Variants in CCDC171 observed in about 807,000 individuals in gnomAD.
The protein encoded by CCDC171 is coiled-coil domain-containing protein 171.
CCDC171 carries 177 observed loss-of-function variants against 168.2 expected under a neutral mutation model. The observed-to-expected ratio is 1.05, with a 90% confidence interval of 0.93 to 1.19. The LOEUF (loss-of-function observed/expected upper bound fraction) is 1.19, where lower values mean the gene tolerates loss of function less well. CCDC171 is among the 50% of genes most tolerant of loss of function. The pLI is 0.00. For synonymous variants in CCDC171, 687 were observed against 540.8 expected (o/e 1.27, Z -3.75); for missense variants, 1,991 against 1,539.0 (o/e 1.29, Z -4.91).
At chr9:15,637,756 G>T (rs953762204) in intron 7 of CCDC171, among the ~76,000 whole-genome samples, 1 of 151,772 alleles carries the variant, frequency 6.6e-6, no homozygotes, top group African/African-American at 2.4e-5. Context: ...TACTGAGAAT[G>T]ATGATTTCCA....
chr9:15,564,855 G>T (rs2039598382), intron 2 of CCDC171, among the ~76,000 whole-genome samples: 1 of 152,094 alleles, frequency 6.6e-6, no homozygotes, highest in Non-Finnish European at 1.5e-5. Context: ...AAAACATTTG[G>T]GGTTGTATTC....
intron 7 of CCDC171, among the ~76,000 whole-genome samples, chr9:15,653,260 C>T (rs1010793435): frequency 6.6e-6 from 1 of 152,144 alleles, no homozygotes; most frequent in African/African-American, 2.4e-5. Context: ...CCACCTCAGC[C>T]TCCCAAGTTG....
chr9:15,922,084 C>A, intron 25 of CCDC171: 1 of 279,922 alleles, frequency 3.6e-6, no homozygotes, highest in South Asian at 3.4e-5. Context: ...CTTTTCAACA[C>A]TTTTTCCCCT....
intron 24 of CCDC171, among the ~76,000 whole-genome samples, chr9:15,917,977 A>T (rs1824770355): frequency 6.6e-6 from 1 of 151,760 alleles, no homozygotes; most frequent in East Asian, 1.9e-4. Flanking sequence ...CAATAGTAAT[A>T]ATACTACAAT....
intron 23 of CCDC171, among the ~76,000 whole-genome samples, chr9:15,862,776 C>T (rs1403881243): frequency 1.3e-5 from 2 of 152,016 alleles, no homozygotes; most frequent in Non-Finnish European, 2.9e-5. Context: ...TTAAAGGCTC[C>T]AGGGTTCTAG....
chr9:15,582,815 G>C (rs933695706), intron 4 of CCDC171, among the ~76,000 whole-genome samples: 4 of 151,852 alleles, frequency 2.6e-5, no homozygotes, highest in Non-Finnish European at 2.9e-5. Flanking sequence ...ATAGCATCAG[G>C]AGAAATACTT....
At chr9:16,100,479 G>T in the CCDC171 span, among the ~76,000 whole-genome samples, 1 of 152,130 alleles carries the variant, frequency 6.6e-6, no homozygotes. Flanking sequence ...AGCCCCAGAG[G>T]TATCGATGTA....
At chr9:15,649,797 G>T (rs1350241937) in intron 7 of CCDC171, among the ~76,000 whole-genome samples, 2 of 152,190 alleles carry the variant, frequency 1.3e-5, no homozygotes, top group Non-Finnish European at 2.9e-5. Flanking sequence ...TTACACTGTT[G>T]GAAGGACTGT....
the CCDC171 span, among the ~76,000 whole-genome samples, chr9:16,088,273 A>G: frequency 2.0e-5 from 3 of 152,248 alleles, no homozygotes; most frequent in East Asian, 1.9e-4. Flanking sequence ...ATCATACTGA[A>G]TGGGCAAAAG....
At position 15,821,630 on chromosome 9, in the gene CCDC171, C is replaced by T. The variant is rs1339417246; in HGVS notation, c.3268-25072C>T. Among the ~76,000 whole-genome samples the T allele has an allele frequency of 2.9e-4, 33 of 114,952 alleles. 10 individuals are homozygous for T. Among genetic ancestry groups the T allele is most frequent in the South Asian group, 1.4e-3 (5 of 3,464 alleles). The allele number at this position is 114,952 out of a possible 152,430, so 75.4% of individuals were successfully genotyped here. A position where few individuals can be genotyped will look rare whatever the true frequency, so the allele number is the denominator to read the frequency against. ...ACCTAGGAATCCAACTTACAAGGGA[C>T]GTGAAGGACCTCTTCAAGGAGAACT... On this transcript the variant is annotated intron_variant, in intron 21 of 25. Coordinates refer to ENST00000380701, the MANE Select transcript of CCDC171 (RefSeq NM_173550.4).
At chr9:15,647,735 TG>T (rs1473663572) in intron 7 of CCDC171, among the ~76,000 whole-genome samples, 4 of 152,140 alleles carry the variant, frequency 2.6e-5, no homozygotes, top group African/African-American at 9.7e-5. Flanking sequence ...TAACAGGCTC[TG>T]AAATTGAGGC....
At chr9:15,884,752 A>G (rs1819164806) in intron 24 of CCDC171, among the ~76,000 whole-genome samples, 1 of 152,138 alleles carries the variant, frequency 6.6e-6, no homozygotes, top group South Asian at 2.1e-4. Flanking sequence ...TTTTGCTCAC[A>G]GGACTGTAGG....
Position 15,959,103 on chromosome 9 carries a change from A to G in CCDC171, c.3754-12506A>G, listed in dbSNP as rs1830099036. On this transcript the variant is annotated intron_variant, in intron 25 of 25. Coordinates refer to ENST00000380701, the MANE Select transcript of CCDC171 (RefSeq NM_173550.4). ...CTGAGGCCACTTACACACACTTGCT[A>G]TCTAGGAGAGATGCAGGGACAAACA... Among the ~76,000 whole-genome samples, 6 of 152,274 alleles carry G rather than the reference A, an allele frequency of 3.9e-5. No homozygotes were observed. In the South Asian group the frequency reaches 1.0e-3, roughly 26 times the overall value.
intron 24 of CCDC171, among the ~76,000 whole-genome samples, chr9:15,880,876 G>C (rs1176144124): frequency 2.0e-5 from 3 of 152,180 alleles, no homozygotes; most frequent in African/African-American, 4.8e-5. Flanking sequence ...TCAAAGGTTT[G>C]TAAATACTAC....
In CCDC171 at chr9:15,644,628, C is replaced by T. The variant is rs185029151; in HGVS notation, c.823-12499C>T. The stretch of plus-strand genomic sequence containing the variant: ...CCTGGCTCGGAGAGTCCCATGCCCA[C>T]GGAGCCTCGCTTATTGCTAGCACAG... On this transcript the variant is annotated intron_variant, in intron 7 of 25. Coordinates refer to ENST00000380701, the MANE Select transcript of CCDC171 (RefSeq NM_173550.4). Among the ~76,000 whole-genome samples the T allele has an allele frequency of 4.3e-4, 66 of 152,342 alleles. No individual in the cohort carries two copies. In the Middle Eastern group the frequency reaches 0.01, roughly 24 times the overall value.
intron 24 of CCDC171, among the ~76,000 whole-genome samples, chr9:15,892,047 A>G (rs1204584297): frequency 6.6e-6 from 1 of 152,186 alleles, no homozygotes; most frequent in Non-Finnish European, 1.5e-5. Context: ...AATAATCTTT[A>G]TTAGTGTTTT....
intron 5 of CCDC171, among the ~76,000 whole-genome samples, chr9:15,592,078 G>C (rs1298509672): frequency 6.6e-6 from 1 of 151,606 alleles, no homozygotes; most frequent in Non-Finnish European, 1.5e-5. Context: ...GTGATATAAG[G>C]TTGAAGTTGC....
chr9:15,766,573 T>C (rs2135189195), intron 18 of CCDC171, among the ~76,000 whole-genome samples: 1 of 152,178 alleles, frequency 6.6e-6, no homozygotes, highest in East Asian at 1.9e-4. Context: ...GAAGAGCTTG[T>C]TCATGTATTT....
rs202055919 is a variant in CCDC171 at position 15,906,711 on chromosome 9, G to T, written c.3601-13559G>T. Among the ~76,000 whole-genome samples, 274 of 152,234 alleles carry T rather than the reference G, an allele frequency of 1.8e-3. 2 individuals are homozygous for T. Among genetic ancestry groups the T allele is most frequent in the African/African-American group, 5.8e-3 (242 of 41,524 alleles). ...GAGAAGGAAATAAAGGGTATTCAAT[G>T]AGGAAAAGAGGAAGTCAAATTGTCC... On this transcript the variant is annotated intron_variant, in intron 24 of 25. Coordinates refer to ENST00000380701, the MANE Select transcript of CCDC171 (RefSeq NM_173550.4).
Sources: gnomAD v4.1 joint callset for allele counts (sites outside exome capture counted in the v4.1 genomes callset) on GRCh38, gnomAD v4.1.1 for gene constraint, MANE v1.5 for transcripts, NCBI Gene and HGNC (gene_info 2026-07-23, HGNC 2026-07-21) for gene names.